Variants in SYDE2 observed in about 807,000 individuals in gnomAD.
SYDE2 encodes rho GTPase-activating protein SYDE2.
Under a neutral mutation model 91.5 loss-of-function variants are expected in SYDE2, and 76 were observed. The observed-to-expected ratio is 0.83, with a 90% CI of 0.69 to 1.01. SYDE2 has a LOEUF of 1.01. SYDE2 is among the 50% of genes least tolerant of loss of function. The pLI is 0.00. For synonymous variants in SYDE2, 513 were observed against 506.4 expected (o/e 1.01, Z -0.18); for missense variants, 1,364 against 1,367.7 (o/e 1.00, Z 0.04).
chr1:85,165,421 T>C (rs1000116338), intron 5 of SYDE2, among the ~76,000 whole-genome samples: 5 of 152,196 alleles, frequency 3.3e-5, no homozygotes, highest in Non-Finnish European at 7.3e-5. Context: ...GGTAAGAATG[T>C]TCATTTTTAA....
intron 6 of SYDE2, among the ~76,000 whole-genome samples, chr1:85,163,149 C>T (rs1657122711): frequency 6.6e-6 from 1 of 150,762 alleles, no homozygotes; most frequent in African/African-American, 2.4e-5. Context: ...CGCTGTCCCC[C>T]AGGCTAGAGT....
intron 5 of SYDE2, among the ~76,000 whole-genome samples, chr1:85,167,242 A>G (rs1401207481): frequency 6.6e-6 from 1 of 151,970 alleles, no homozygotes; most frequent in African/African-American, 2.4e-5. Flanking sequence ...CAGAAAAAAA[A>G]AGAAGAAAAT....
At chr1:85,175,285 A>G (rs1269876996) in intron 4 of SYDE2, among the ~76,000 whole-genome samples, 3 of 152,180 alleles carry the variant, frequency 2.0e-5, no homozygotes, top group Non-Finnish European at 2.9e-5. Context: ...GGATCTCCTG[A>G]GTTCAGGAAT....
intron 1 of SYDE2, among the ~76,000 whole-genome samples, chr1:85,193,903 C>T (rs935989904): frequency 1.9e-4 from 29 of 152,116 alleles, no homozygotes; most frequent in Non-Finnish European, 2.1e-4. Context: ...GCTGGAATTA[C>T]GGTGTGAGCC....
intron 1 of SYDE2, chr1:85,194,972 A>G (rs2100693585): frequency 4.0e-6 from 1 of 252,908 alleles, no homozygotes; most frequent in East Asian, 1.8e-4. Context: ...CATCCTGGCT[A>G]ACACGGTGAA....
intron 4 of SYDE2, among the ~76,000 whole-genome samples, chr1:85,172,570 A>G (rs1346900648): frequency 1.3e-5 from 2 of 152,168 alleles, no homozygotes; most frequent in African/African-American, 2.4e-5. Context: ...AAAATGCCAG[A>G]CAAAATATCT....
At chr1:85,159,350 T>C in intron 6 of SYDE2, 101 bp from the exon 7 acceptor site, 1 of 677,354 alleles carries the variant, frequency 1.5e-6, no homozygotes. Context: ...ACTACAAACA[T>C]GCATTAAAAC....
intron 4 of SYDE2, among the ~76,000 whole-genome samples, chr1:85,174,292 T>G (rs1392995629): frequency 6.6e-6 from 1 of 152,192 alleles, no homozygotes; most frequent in South Asian, 2.1e-4. Flanking sequence ...TTGACTTTAT[T>G]GATAGTTACA....
chr1:85,163,152 G>T (rs1337012955), intron 6 of SYDE2, among the ~76,000 whole-genome samples: 1 of 150,372 alleles, frequency 6.7e-6, no homozygotes, highest in Non-Finnish European at 1.5e-5. Flanking sequence ...TGTCCCCCAG[G>T]CTAGAGTGCA....
chr1:85,168,316 G>A (rs540531993), intron 5 of SYDE2, among the ~76,000 whole-genome samples: 297 of 152,198 alleles, frequency 2.0e-3, no homozygotes, highest in Non-Finnish European at 3.2e-3. Context: ...CGCAAGTCAA[G>A]TTACTGGACT....
At chr1:85,160,453 A>G (rs1657019765) in intron 6 of SYDE2, 2 of 939,212 alleles carry the variant, frequency 2.1e-6, no homozygotes, top group Non-Finnish European at 2.5e-6. Context: ...GTATCACTAT[A>G]GATAGCCAAA....
downstream of SYDE2, among the ~76,000 whole-genome samples, chr1:85,156,022 C>T (rs116023798): frequency 0.015 from 2,322 of 151,108 alleles, 25 homozygotes; most frequent in Non-Finnish European, 0.026. Flanking sequence ...AAAAACATAA[C>T]AAAAATGGTG....
chr1:85,196,990 A>C (rs1038701076), intron 1 of SYDE2, among the ~76,000 whole-genome samples: 1 of 152,196 alleles, frequency 6.6e-6, no homozygotes, highest in Non-Finnish European at 1.5e-5. Flanking sequence ...GTGGAGTCAA[A>C]GTAGGCTAAT....
rs1657980651 is a variant in SYDE2 at position 85,182,724 on chromosome 1, T to C, written c.1918A>G (p.Asn640Asp). The C allele has an allele frequency of 4.3e-6, 7 of 1,613,756 alleles. No homozygotes were observed. Among genetic ancestry groups the C allele is most frequent in the African/African-American group, 1.3e-5 (1 of 74,924 alleles). Residue 640 changes from asparagine (N) to aspartate (D), a missense_variant, in exon 3 of 7, where the codon AAC becomes GAC. Physicochemically the swap from Asn to Asp is conservative, Grantham distance 23. Transcript: ENST00000341460. ...ATTTCTTTTCCTTTTCCAAATTTGT[T>C]TTCAGATCCATGTTTGCTAGCTTTA... ...TTKASKHGSENKFGKGKEIIS... is the reference protein window; with the variant it reads ...TTKASKHGSEDKFGKGKEIIS...
intron 4 of SYDE2, among the ~76,000 whole-genome samples, chr1:85,174,275 A>T (rs1034405296): frequency 1.8e-4 from 27 of 152,190 alleles, no homozygotes; most frequent in African/African-American, 6.5e-4. Context: ...GGACATTATT[A>T]ATTAACTTGA....
chr1:85,159,858 C>T, intron 6 of SYDE2: 3 of 983,196 alleles, frequency 3.1e-6, no homozygotes, highest in Non-Finnish European at 3.6e-6. Context: ...CTACTATCTT[C>T]ATTTATTGCC....
At chr1:85,179,709 AT>A (rs1302577683) in intron 3 of SYDE2, among the ~76,000 whole-genome samples, 3 of 152,216 alleles carry the variant, frequency 2.0e-5, no homozygotes, top group Non-Finnish European at 2.9e-5. Context: ...AAACTAAAAT[AT>A]TAAACAGGAT....
chr1:85,167,475 G>A (rs1657330846), intron 5 of SYDE2, among the ~76,000 whole-genome samples: 1 of 152,176 alleles, frequency 6.6e-6, no homozygotes, highest in African/African-American at 2.4e-5. Context: ...GACTGACTGA[G>A]ACAAAGTCTG....
At chr1:85,198,243 T>C (rs947081254) in intron 1 of SYDE2, among the ~76,000 whole-genome samples, 1 of 152,310 alleles carries the variant, frequency 6.6e-6, no homozygotes, top group African/African-American at 2.4e-5. Context: ...AACTGCTTAA[T>C]CCCTCTGTTC....
Sources: allele counts gnomAD v4.1 joint callset (sites outside exome capture counted in the v4.1 genomes callset), GRCh38; gene constraint gnomAD v4.1.1; transcripts MANE v1.5; gene names NCBI Gene and HGNC (gene_info 2026-07-23, HGNC 2026-07-21).